The following LRRN2 variants were observed in gnomAD, a reference collection of about 807,000 sequenced individuals.
LRRN2 encodes the protein leucine-rich repeat neuronal protein 2.
A neutral mutation model predicts 35.7 loss-of-function variants in LRRN2; 10 were observed. The observed-to-expected ratio is 0.28, with a 90% CI of 0.17 to 0.47. The LOEUF is 0.47. LRRN2 is among the 20% of genes least tolerant of loss of function. LRRN2 has a pLI of 0.99. For synonymous variants in LRRN2, 391 were observed against 409.6 expected (o/e 0.95, Z 0.55); for missense variants, 731 against 940.3 (o/e 0.78, Z 2.91).
intron 1 of LRRN2, among the ~76,000 whole-genome samples, chr1:204,626,039 G>C (rs1042493637): frequency 1.1e-4 from 16 of 152,128 alleles, no homozygotes; most frequent in African/African-American, 3.9e-4. Flanking sequence ...TGGAGCACTA[G>C]GCAAGAGGAT....
intron 1 of LRRN2, among the ~76,000 whole-genome samples, chr1:204,625,502 A>G (rs1667276045): frequency 6.6e-6 from 1 of 151,936 alleles, no homozygotes. Flanking sequence ...AGAATACATA[A>G]ATGTCCCTGA....
intron 1 of LRRN2, among the ~76,000 whole-genome samples, chr1:204,658,495 T>C (rs911711923): frequency 6.6e-6 from 1 of 152,224 alleles, no homozygotes; most frequent in Admixed American, 6.5e-5. Flanking sequence ...TATCCCCAAG[T>C]CAGCACTTTT....
chr1:204,620,069 C>A lies in LRRN2; in HGVS notation c.-77G>T. On this transcript the variant is annotated 5_prime_UTR_variant, in exon 2 of 2. The change abolishes the stop of an existing upstream ORF in the 5' untranslated region. Coordinates refer to ENST00000367177, the MANE Select transcript of LRRN2 (RefSeq NM_201630.2). ...TCTTTGTGTTTTGCAGGGTAAGGGT[C>A]AGCAACCCTGCCAGGGCCCAAGGAA... 6.6e-7 allele frequency: 1 copy of A among 1,514,620 alleles called. No homozygotes were observed. The highest frequency in any genetic ancestry group is 1.3e-5 in the South Asian group (1 of 77,268). 93.8% of individuals were successfully genotyped at this position (1,514,620 alleles called of 1,614,324 possible).
Position 204,619,401 on chromosome 1 carries a change from C to T in LRRN2, c.592G>A (p.Gly198Ser), listed in dbSNP as rs201896921. 95 of 1,614,230 alleles carry T rather than the reference C, an allele frequency of 5.9e-5. No homozygotes were observed. The highest frequency in any genetic ancestry group is 4.0e-4 in the Admixed American group (24 of 60,024). ...LPNLEILMIGGNKVDAILDMN... is the reference protein window; with the variant it reads ...LPNLEILMIGSNKVDAILDMN... ...TCCAGGATGGCATCTACCTTGTTGCCGCCAATCATGAGTATCTCCAAGTTG... is the reference window on the plus strand; with the variant it reads ...TCCAGGATGGCATCTACCTTGTTGCTGCCAATCATGAGTATCTCCAAGTTG... Residue 198 changes from glycine (G) to serine (S), a missense_variant, in exon 2 of 2, where the codon GGC (glycine) becomes AGC (serine). By Grantham distance (56) the Gly-to-Ser change is moderately conservative (BLOSUM62 0). Around this residue, in one of 3 missense-constraint regions of LRRN2, gnomAD observed 246 missense variants for 289.5 expected, o/e 0.85. Coordinates refer to ENST00000367177, the MANE Select transcript of LRRN2 (RefSeq NM_201630.2).
At chr1:204,654,234 C>A (rs530143549) in intron 1 of LRRN2, among the ~76,000 whole-genome samples, 2 of 152,080 alleles carry the variant, frequency 1.3e-5, no homozygotes, top group Admixed American at 1.3e-4. Context: ...GTAAAGCGGA[C>A]TGGATTAAGA....
rs1666490105 is a variant in LRRN2, at chr1:204,618,041, C to A, written c.1952G>T (p.Gly651Val). ...CACACCCTTCCTGGGTTGGCCTGTG[C>A]CAAGGTGGGCCGCTAGCCCAGCTGC... ...LLAAGLAAHL[G>V]TGQPRKGVGG... Residue 651 changes from glycine (G) to valine (V), a missense_variant, in exon 2 of 2, where the codon GGC (glycine) becomes GTC (valine). By Grantham distance (109) the Gly-to-Val change is moderately radical. Around this residue, in one of 3 missense-constraint regions of LRRN2, gnomAD observed 229 missense variants for 258.4 expected, o/e 0.89. Transcript: ENST00000367177. 6.2e-7 allele frequency: 1 copy of A among 1,612,542 alleles called. No individual in the cohort carries two copies. Among genetic ancestry groups the A allele is most frequent in the Admixed American group, 1.7e-5 (1 of 59,956 alleles).
intron 1 of LRRN2, among the ~76,000 whole-genome samples, chr1:204,637,645 CGTGTGTGTGTGTGTGTGTGTGTGT>C (rs67761829): frequency 3.8e-5 from 5 of 129,948 alleles, no homozygotes; most frequent in African/African-American, 5.9e-5. Flanking sequence ...CAGCACGTGA[CGTGTGTGTGTGTGTGTGTGTGTGT>C]GTGTGTGTGT....
intron 1 of LRRN2, among the ~76,000 whole-genome samples, chr1:204,656,722 A>G (rs529340175): frequency 6.6e-6 from 1 of 152,322 alleles, no homozygotes; most frequent in South Asian, 2.1e-4. Context: ...ATTTGCGTCT[A>G]GGGCTGCTGT....
In LRRN2 at chr1:204,664,338, T is replaced by G. The variant is rs571612010; in HGVS notation, c.-227+20982A>C. 8 of 152,876 alleles carry G rather than the reference T, an allele frequency of 5.2e-5. 1 individual carries two copies. The East Asian group carries it at 1.5e-3, about 30-fold the overall frequency. The allele number at this position is 152,876 out of a possible 1,614,324, so 9.5% of individuals were successfully genotyped here. On this transcript the variant is annotated intron_variant, in intron 1 of 1. Coordinates refer to ENST00000367177, the MANE Select transcript of LRRN2 (RefSeq NM_201630.2). ...CCGGCACCTCTGCACAGTCCTTTTCTGAATCTGCCCCTCACCGTGCTCCCC... is the reference window on the plus strand; with the variant it reads ...CCGGCACCTCTGCACAGTCCTTTTCGGAATCTGCCCCTCACCGTGCTCCCC...
intron 1 of LRRN2, among the ~76,000 whole-genome samples, chr1:204,680,412 A>T (rs543281680): frequency 5.3e-4 from 81 of 152,228 alleles, no homozygotes; most frequent in Non-Finnish European, 8.8e-4. Flanking sequence ...GTAGCAGGGA[A>T]GGTGTGGGTG....
rs1282306008 is a variant in LRRN2, at chr1:204,631,256, C to CAATATATATATATATA, written c.-226-11039_-226-11038insTATATATATATATATT. Among the ~76,000 whole-genome samples, 222 of 36,912 alleles carry CAATATATATATATATA rather than the reference C, an allele frequency of 6.0e-3. 50 individuals carry two copies. Among genetic ancestry groups the CAATATATATATATATA allele is most frequent in the South Asian group, 0.018 (17 of 928 alleles). 24.2% of individuals were successfully genotyped at this position (36,912 alleles called of 152,430 possible). ...CAAGAAGAGTGATACCTAGAGTGTT[C>CAATATATATATATATA]TATATATATATATATATATATATAT... On this transcript the variant is annotated intron_variant, in intron 1 of 1. Coordinates refer to ENST00000367177, the MANE Select transcript of LRRN2 (RefSeq NM_201630.2).
chr1:204,628,790 T>C (rs1417982072), intron 1 of LRRN2: 5 of 152,328 alleles, frequency 3.3e-5, no homozygotes, highest in African/African-American at 9.6e-5. Flanking sequence ...TTAAAGATCA[T>C]TGGTGTTGGA....
At chr1:204,644,011 G>T (rs1232772747) in intron 1 of LRRN2, among the ~76,000 whole-genome samples, 1 of 152,148 alleles carries the variant, frequency 6.6e-6, no homozygotes, top group Non-Finnish European at 1.5e-5. Flanking sequence ...TATGCTGGCA[G>T]AGAATCTGAC....
At position 204,685,588 on chromosome 1, in the gene LRRN2, C is replaced by G. The variant is rs1353763366; in HGVS notation, c.-495G>C. 1 of 151,988 alleles carries G rather than the reference C, an allele frequency of 6.6e-6. No homozygotes were observed. Among genetic ancestry groups the G allele is most frequent in the African/African-American group, 2.4e-5 (1 of 41,392 alleles). The allele number at this position is 151,988 out of a possible 1,614,324, so 9.4% of individuals were successfully genotyped here. ...TGGGCGCGTCGCGGCCGGAGGCTGG[C>G]GGGCGAGAGCCAGGCGCTCCTTGAG... On this transcript the variant is annotated 5_prime_UTR_variant, in exon 1 of 2. Coordinates refer to ENST00000367177, the MANE Select transcript of LRRN2 (RefSeq NM_201630.2).
chr1:204,622,737 T>TA (rs1182004723), intron 1 of LRRN2, among the ~76,000 whole-genome samples: 2 of 152,032 alleles, frequency 1.3e-5, no homozygotes, highest in Non-Finnish European at 2.9e-5. Context: ...CTGCCACACT[T>TA]ACATACCAGA....
chr1:204,620,943 G>A (rs940735592), intron 1 of LRRN2: 7 of 166,820 alleles, frequency 4.2e-5, no homozygotes, highest in African/African-American at 1.7e-4. Flanking sequence ...GGTGGGAGGT[G>A]GGTGAGGGTT....
At chr1:204,662,758 G>A (rs953769105) in intron 1 of LRRN2, among the ~76,000 whole-genome samples, 5 of 152,200 alleles carry the variant, frequency 3.3e-5, no homozygotes, top group Non-Finnish European at 5.9e-5. Context: ...CATTTGATGA[G>A]TAACTTTGCC....
At chr1:204,668,331 AC>A (rs1370419019) in intron 1 of LRRN2, among the ~76,000 whole-genome samples, 3 of 152,196 alleles carry the variant, frequency 2.0e-5, no homozygotes, top group Admixed American at 6.5e-5. Flanking sequence ...GTGGTGACTC[AC>A]ACCTGTAATC....
rs1007112149 is a variant in LRRN2, at chr1:204,618,085, A to G, written c.1908T>C (p.Ala636=). Residue 636 remains alanine (A), a synonymous_variant, in exon 2 of 2, where the codon GCT becomes GCC. Coordinates refer to ENST00000367177, the MANE Select transcript of LRRN2 (RefSeq NM_201630.2). Reference sequence around the variant, plus strand: ...CAGCTGCCAGGAGAAGGACAGCGAGAGCCAGGATGGCAATGAGCCCAGGAC... The same window carrying G: ...CAGCTGCCAGGAGAAGGACAGCGAGGGCCAGGATGGCAATGAGCCCAGGAC... ...GDRPGLIAIL[A]LAVLLLAAGL... 1.9e-6 allele frequency: 3 copies of G among 1,613,874 alleles called. No homozygotes were observed. Among genetic ancestry groups the G allele is most frequent in the Admixed American group, 1.7e-5 (1 of 60,000 alleles).
Sources: gnomAD v4.1 joint callset for allele counts (sites outside exome capture counted in the v4.1 genomes callset) on GRCh38, gnomAD v4.1.1 for gene constraint, gnomAD v4.1.1 regional missense constraint, MANE v1.5 for transcripts, NCBI Gene and HGNC (gene_info 2026-07-23, HGNC 2026-07-21) for gene names.